Variants in GRIA3 observed in about 807,000 individuals in gnomAD.
GRIA3 encodes the protein glutamate ionotropic receptor AMPA type subunit 3, also known as glutamate receptor 3.
In GRIA3, 3 loss-of-function variants were observed where a neutral mutation model predicts 63.0. The ratio of observed to expected loss-of-function variants is 0.05; its 90% CI spans 0.02 to 0.12. The LOEUF is 0.12. Among genes scored for constraint, GRIA3 ranks in the 10% least tolerant of loss-of-function variants. GRIA3 has a pLI of 1.00. For missense variants in GRIA3, 347 were observed against 700.9 expected, an observed-to-expected ratio of 0.50 and a Z score of 5.70; for synonymous variants, 274 against 257.9, an observed-to-expected ratio of 1.06 and a Z score of -0.60.
At chrX:123,415,709 G>A (rs1196878039) in intron 10 of GRIA3, among the ~76,000 whole-genome samples, 1 of 111,818 alleles carries the variant, frequency 8.9e-6, no homozygotes, top group African/African-American at 3.2e-5. Flanking sequence ...TTGATCAGTA[G>A]GCAGTTGGCT....
At chrX:123,394,922 G>A (rs2045405244) in intron 5 of GRIA3, 46 bp from the exon 6 acceptor site, 6 of 962,808 alleles carry the variant, frequency 6.2e-6, no homozygotes, top group Non-Finnish European at 9.0e-6. Flanking sequence ...TGGTGAGTAA[G>A]AACATACAAC....
At chrX:123,337,565 T>C (rs905682876) in intron 4 of GRIA3, among the ~76,000 whole-genome samples, 1 of 111,613 alleles carries the variant, frequency 9.0e-6, no homozygotes, top group Non-Finnish European at 1.9e-5. Flanking sequence ...CTGGGGATTA[T>C]GCTATCTAAA....
At chrX:123,407,582 A>G (rs922543201) in intron 10 of GRIA3, among the ~76,000 whole-genome samples, 1 of 106,234 alleles carries the variant, frequency 9.4e-6, no homozygotes, top group African/African-American at 3.4e-5. Context: ...TAAGGACACT[A>G]TAAGTTCCAT....
At chrX:123,426,790 C>A (rs1431171782) in intron 11 of GRIA3, among the ~76,000 whole-genome samples, 4 of 112,399 alleles carry the variant, frequency 3.6e-5, no homozygotes, top group African/African-American at 9.7e-5. Context: ...TTCCCATTCC[C>A]TACTAACTGA....
intron 10 of GRIA3, among the ~76,000 whole-genome samples, chrX:123,414,742 G>A (rs1353879794): frequency 9.0e-6 from 1 of 110,545 alleles, no homozygotes; most frequent in Non-Finnish European, 1.9e-5. Flanking sequence ...CCCTGCAAAG[G>A]ACATGAACTC....
intron 3 of GRIA3, among the ~76,000 whole-genome samples, chrX:123,273,242 G>A (rs1471544189): frequency 9.0e-6 from 1 of 111,696 alleles, no homozygotes; most frequent in Non-Finnish European, 1.9e-5. Flanking sequence ...GAACAGTTAT[G>A]TGATACACCA....
chrX:123,242,237 T>C (rs2044333761), intron 2 of GRIA3, among the ~76,000 whole-genome samples: 1 of 112,338 alleles, frequency 8.9e-6, no homozygotes, highest in Non-Finnish European at 1.9e-5. Flanking sequence ...TATTAGTTCA[T>C]TTTTGAGAAT....
chrX:123,384,618 C>A (rs754078512), intron 5 of GRIA3, among the ~76,000 whole-genome samples: 2 of 110,747 alleles, frequency 1.8e-5, no homozygotes, highest in South Asian at 3.8e-4. Flanking sequence ...GAGTGAGACT[C>A]TGAAAAAAAA....
intron 15 of GRIA3, among the ~76,000 whole-genome samples, chrX:123,483,575 C>T (rs1164381265): frequency 1.8e-5 from 2 of 112,256 alleles, no homozygotes; most frequent in African/African-American, 3.2e-5. Context: ...AGTAGTCACA[C>T]ATGGCCAGTG....
chrX:123,358,735 C>T (rs2045149336), intron 5 of GRIA3: 1 of 112,185 alleles, frequency 8.9e-6, no homozygotes, highest in Non-Finnish European at 1.9e-5. Context: ...TGTTTGTCAA[C>T]GTTAGTCCCA....
At chrX:123,293,419 T>C (rs2044667538) in intron 3 of GRIA3, among the ~76,000 whole-genome samples, 1 of 111,408 alleles carries the variant, frequency 9.0e-6, no homozygotes, top group South Asian at 3.7e-4. Context: ...ATAAGGTTGA[T>C]AGAAAGGCAG....
intron 5 of GRIA3, among the ~76,000 whole-genome samples, chrX:123,383,875 A>G (rs930170310): frequency 9.0e-6 from 1 of 110,532 alleles, no homozygotes; most frequent in African/African-American, 3.3e-5. Context: ...CCACCCTCCA[A>G]TAGGCCCCAG....
chrX:123,370,434 T>C (rs774032754), intron 5 of GRIA3, among the ~76,000 whole-genome samples: 1 of 112,155 alleles, frequency 8.9e-6, no homozygotes, highest in South Asian at 3.7e-4. Flanking sequence ...TGAATCACAT[T>C]AGAAGGTACA....
chrX:123,219,664 G>C (rs1278347757), intron 2 of GRIA3, among the ~76,000 whole-genome samples: 4 of 111,834 alleles, frequency 3.6e-5, no homozygotes, highest in African/African-American at 9.8e-5. Context: ...TGTACTCTGA[G>C]ATCCCTAGAC....
intron 2 of GRIA3, among the ~76,000 whole-genome samples, chrX:123,232,660 G>C (rs1446642446): frequency 4.5e-5 from 5 of 110,965 alleles, no homozygotes; most frequent in African/African-American, 1.6e-4. Flanking sequence ...TGCTATGCCT[G>C]CACCAAAACA....
intron 3 of GRIA3, among the ~76,000 whole-genome samples, chrX:123,295,698 T>G (rs2044681551): frequency 9.0e-6 from 1 of 111,461 alleles, no homozygotes; most frequent in African/African-American, 3.3e-5. Context: ...AGGAAATGAA[T>G]AAAACCCTAG....
intron 4 of GRIA3, among the ~76,000 whole-genome samples, chrX:123,343,223 G>A (rs1386208952): frequency 2.7e-5 from 3 of 111,659 alleles, no homozygotes; most frequent in Non-Finnish European, 3.8e-5. Flanking sequence ...TTTAGCTAAC[G>A]TTTGTCTTGT....
At chrX:123,229,473 C>G (rs185301179) in intron 2 of GRIA3, among the ~76,000 whole-genome samples, 1 of 111,512 alleles carries the variant, frequency 9.0e-6, no homozygotes, top group Non-Finnish European at 1.9e-5. Context: ...TATTCCCTAC[C>G]AGATAGCACA....
At chrX:123,456,936 C>T (rs956720059) in intron 12 of GRIA3, among the ~76,000 whole-genome samples, 2 of 110,670 alleles carry the variant, frequency 1.8e-5, no homozygotes, top group African/African-American at 6.6e-5. Context: ...TTAATAAAAG[C>T]AGAAATTACA....
Sources: gnomAD v4.1 joint callset for allele counts (sites outside exome capture counted in the v4.1 genomes callset) on GRCh38, gnomAD v4.1.1 for gene constraint, MANE v1.5 for transcripts, NCBI Gene and HGNC (gene_info 2026-07-23, HGNC 2026-07-21) for gene names.